The following BICDL1 variants were observed in gnomAD, a reference collection of about 807,000 sequenced individuals.
BICDL1 encodes BICD family like cargo adaptor 1, also known as BICD family-like cargo adapter 1.
In BICDL1, 20 loss-of-function variants were observed where a neutral mutation model predicts 76.8. That is an observed-to-expected ratio of 0.26 (90% CI 0.18 to 0.38). The LOEUF (loss-of-function observed/expected upper bound fraction) is 0.38. Among genes scored for constraint, BICDL1 ranks in the 10% least tolerant of loss-of-function variants. The probability of loss-of-function intolerance (pLI) is 1.00; values close to 1 mark genes in which losing one functional copy is unlikely to be tolerated. For synonymous variants in BICDL1, 383 were observed against 337.1 expected, an observed-to-expected ratio of 1.14 and a Z score of -1.49; for missense variants, 700 against 798.6, an observed-to-expected ratio of 0.88 and a Z score of 1.49.
intron 1 of BICDL1, chr12:119,992,297 C>A (rs1452773142): frequency 6.6e-6 from 1 of 152,216 alleles, no homozygotes; most frequent in African/African-American, 2.4e-5. Flanking sequence ...TTATTTGACA[C>A]CTCCGGTTTA....
chr12:120,089,351 T>C (rs1404420945), intron 8 of BICDL1, among the ~76,000 whole-genome samples: 1 of 151,734 alleles, frequency 6.6e-6, no homozygotes, highest in Non-Finnish European at 1.5e-5. Context: ...GGCGTGTGTG[T>C]GTGACGGAGT....
intron 8 of BICDL1, among the ~76,000 whole-genome samples, chr12:120,082,230 T>C (rs1874048546): frequency 6.6e-6 from 1 of 152,112 alleles, no homozygotes; most frequent in African/African-American, 2.4e-5. Context: ...AGCATTTTCC[T>C]CTGTCCCTTA....
intron 2 of BICDL1, among the ~76,000 whole-genome samples, chr12:120,036,724 A>C (rs1284346989): frequency 2.0e-5 from 3 of 152,150 alleles, no homozygotes; most frequent in Admixed American, 6.6e-5. Context: ...AAAAATACAA[A>C]AATTAGCCGG....
intron 2 of BICDL1, chr12:120,057,288 T>TA (rs1952995317): frequency 2.8e-6 from 1 of 351,018 alleles, no homozygotes; most frequent in African/African-American, 2.2e-5. Flanking sequence ...GTGCTGGGAT[T>TA]ACACCGCGCC....
At chr12:120,024,115 A>T (rs1665710372) in intron 2 of BICDL1, among the ~76,000 whole-genome samples, 1 of 152,216 alleles carries the variant, frequency 6.6e-6, no homozygotes, top group South Asian at 2.1e-4. Context: ...CCCTGTCTCT[A>T]CTTAAAAATA....
chr12:120,037,034 G>A (rs895910888), intron 2 of BICDL1, among the ~76,000 whole-genome samples: 4 of 152,170 alleles, frequency 2.6e-5, no homozygotes, highest in African/African-American at 7.2e-5. Context: ...TTTAATATAT[G>A]TGTTTCTGTG....
intron 2 of BICDL1, among the ~76,000 whole-genome samples, chr12:120,008,218 G>T (rs1456998688): frequency 7.3e-6 from 1 of 136,220 alleles, no homozygotes; most frequent in Non-Finnish European, 1.5e-5. Context: ...GAGTGCAGCA[G>T]CGCCATCATG....
At chr12:120,061,403 G>T (rs1444888263) in intron 2 of BICDL1, among the ~76,000 whole-genome samples, 1 of 152,058 alleles carries the variant, frequency 6.6e-6, no homozygotes, top group Non-Finnish European at 1.5e-5. Context: ...TTAGATATTT[G>T]CTGAGTTTCT....
chr12:120,020,278 T>C (rs561124046), intron 2 of BICDL1, among the ~76,000 whole-genome samples: 4 of 152,208 alleles, frequency 2.6e-5, no homozygotes, highest in South Asian at 2.1e-4. Context: ...AATGGAGTTG[T>C]GTCAAAAGGA....
At chr12:120,040,405 CTTTCT>C (rs1376443270) in intron 2 of BICDL1, among the ~76,000 whole-genome samples, 1 of 151,692 alleles carries the variant, frequency 6.6e-6, no homozygotes, top group East Asian at 1.9e-4. Flanking sequence ...TTTTTCTTTT[CTTTCT>C]TTTCTTTTCT....
At chr12:120,075,362 C>A (rs1873454091) in intron 7 of BICDL1, among the ~76,000 whole-genome samples, 1 of 151,718 alleles carries the variant, frequency 6.6e-6, no homozygotes, top group Non-Finnish European at 1.5e-5. Flanking sequence ...TTTAAGCCTG[C>A]CTTTCACTTC....
chr12:120,013,832 T>C (rs1413038015), intron 2 of BICDL1, among the ~76,000 whole-genome samples: 3 of 152,180 alleles, frequency 2.0e-5, no homozygotes, highest in South Asian at 2.1e-4. Context: ...AAAAGTCTCA[T>C]TGATTTGTTC....
intron 2 of BICDL1, among the ~76,000 whole-genome samples, chr12:120,023,502 G>A (rs889955146): frequency 6.6e-6 from 1 of 152,074 alleles, no homozygotes; most frequent in African/African-American, 2.4e-5. Flanking sequence ...AGATTCTCAA[G>A]TATGGGCCCA....
intron 8 of BICDL1, among the ~76,000 whole-genome samples, chr12:120,088,886 A>C (rs150927424): frequency 6.6e-6 from 1 of 150,496 alleles, no homozygotes; most frequent in Admixed American, 6.6e-5. Flanking sequence ...GGATGGTCTC[A>C]ATCTCCTGAC....
chr12:120,093,010 A>G lies in BICDL1; in HGVS notation c.1715A>G (p.His572Arg), dbSNP rs776669962. The change falls in exon 10 of 10, where the codon CAC becomes CGC. Residue 572 changes from histidine to arginine, a missense_variant. This residue lies in a region of BICDL1 where 455 missense variants were observed against 548.7 expected (regional missense o/e 0.83). Transcript: ENST00000548673. ...CCCTCCCCTCTGCAGGATGACATGC[A>G]CAGGGTCATTGACCGGCAGCTGATG... is the stretch of plus-strand genomic sequence containing the variant. Reference protein sequence around the residue: ...QQLEAWQDDMHRVIDRQLMDT... With the variant: ...QQLEAWQDDMRRVIDRQLMDT... 1 of 1,568,994 alleles carries G rather than the reference A, an allele frequency of 6.4e-7. No homozygotes were observed. Among genetic ancestry groups the G allele is most frequent in the East Asian group, 2.3e-5 (1 of 44,324 alleles).
rs1273351814 is a variant in BICDL1, at chr12:120,033,851, A to G, written c.646-27859A>G. On this transcript the variant is annotated intron_variant, in intron 2 of 9. Transcript: ENST00000548673. ...GCCAGAAGATGTGCACTTCTGATGT[A>G]TTACATCAGATGACACATAGCTGGC... Among the ~76,000 whole-genome samples, 10 of 152,300 alleles carry G rather than the reference A, an allele frequency of 6.6e-5. No homozygotes were observed. The East Asian group carries it at 1.5e-3, about 24-fold the overall frequency.
intron 2 of BICDL1, among the ~76,000 whole-genome samples, chr12:120,057,990 C>T (rs1953017131): frequency 1.3e-5 from 2 of 151,972 alleles, no homozygotes; most frequent in Non-Finnish European, 2.9e-5. Flanking sequence ...GCCACCACGC[C>T]TGGAGAATTT....
At chr12:120,091,311 C>T in intron 9 of BICDL1, 1 of 1,063,054 alleles carries the variant, frequency 9.4e-7, no homozygotes, top group Non-Finnish European at 1.1e-6. Context: ...GTCTGGGAAA[C>T]TCTAAAGGGC....
chr12:120,039,637 CAAAAAA>C (rs58284420), intron 2 of BICDL1, among the ~76,000 whole-genome samples: 2 of 54,760 alleles, frequency 3.7e-5, no homozygotes, highest in Middle Eastern at 9.8e-3. Flanking sequence ...GACTCCGTCT[CAAAAAA>C]AAAAAAAAAA....
Sources: gnomAD v4.1 joint callset for allele counts (sites outside exome capture counted in the v4.1 genomes callset) on GRCh38, gnomAD v4.1.1 for gene constraint, gnomAD v4.1.1 regional missense constraint, MANE v1.5 for transcripts, NCBI Gene and HGNC (gene_info 2026-07-23, HGNC 2026-07-21) for gene names.